Variants in NPLOC4 observed in about 807,000 individuals in gnomAD.
The protein encoded by NPLOC4 is NPL4 homolog, ubiquitin recognition factor.
NPLOC4 carries 18 observed loss-of-function variants against 80.6 expected under a neutral mutation model. The ratio of observed to expected loss-of-function variants is 0.22; its 90% CI spans 0.15 to 0.33. NPLOC4 has a LOEUF of 0.33. Ranked by LOEUF, NPLOC4 falls within the 10% of genes least tolerant of loss-of-function variation. The pLI is 1.00. For synonymous variants in NPLOC4, 313 were observed against 301.5 expected (o/e 1.04, Z -0.39); for missense variants, 540 against 786.1 (o/e 0.69, Z 3.74).
intron 1 of NPLOC4, among the ~76,000 whole-genome samples, chr17:81,632,437 T>C (rs2035958397): frequency 6.6e-6 from 1 of 151,936 alleles, no homozygotes; most frequent in South Asian, 2.1e-4. Flanking sequence ...CTCAGCCTCC[T>C]GAGTATCTGG....
chr17:81,569,806 T>C (rs575166327), intron 13 of NPLOC4, among the ~76,000 whole-genome samples: 1 of 152,292 alleles, frequency 6.6e-6, no homozygotes, highest in African/African-American at 2.4e-5. Flanking sequence ...AGAGGGCACT[T>C]TGCACCTAAG....
intron 12 of NPLOC4, among the ~76,000 whole-genome samples, chr17:81,587,574 G>A (rs1422546431): frequency 5.8e-5 from 8 of 137,216 alleles, no homozygotes; most frequent in African/African-American, 1.1e-4. Context: ...CTCAGCCTCC[G>A]AAAGGGCTGG....
At chr17:81,583,138 A>G (rs115073211) in intron 12 of NPLOC4, among the ~76,000 whole-genome samples, 3,603 of 152,354 alleles carry the variant, frequency 0.024, 139 homozygotes, top group African/African-American at 0.082. Flanking sequence ...TGTTAGTGTG[A>G]CTTTTCAGTG....
At chr17:81,632,332 T>A (rs1177697821) in intron 1 of NPLOC4, among the ~76,000 whole-genome samples, 1 of 150,384 alleles carries the variant, frequency 6.6e-6, no homozygotes, top group Non-Finnish European at 1.5e-5. Flanking sequence ...TTATTTCTTT[T>A]TTTTTTTTCA....
At chr17:81,565,230 C>G in intron 16 of NPLOC4, 1 of 653,582 alleles carries the variant, frequency 1.5e-6, no homozygotes, top group Non-Finnish European at 2.8e-6. Context: ...TCCTAGGATG[C>G]CTGGAGATTA....
rs747974970 is a variant in NPLOC4, at chr17:81,596,237, G to A, written c.999C>T (p.Thr333=). ...GTVRYSRNKD[T]YFLSSEECIT... ...TGCACTCTTCTGAACTTAGGAAATAGGTGTCCTAAGACAAGAGAAGCAGCC... is the reference window on the plus strand; with the variant it reads ...TGCACTCTTCTGAACTTAGGAAATAAGTGTCCTAAGACAAGAGAAGCAGCC... The change falls in exon 11 of 17, where the codon ACC becomes ACT. Residue 333 remains threonine, a synonymous_variant. Coordinates refer to ENST00000331134, the MANE Select transcript of NPLOC4 (RefSeq NM_017921.4). 1.2e-6 allele frequency: 2 copies of A among 1,612,088 alleles called. No homozygotes were observed. Among genetic ancestry groups the A allele is most frequent in the Non-Finnish European group, 1.7e-6 (2 of 1,178,736 alleles).
chr17:81,557,474 G>C lies in NPLOC4; in HGVS notation c.*1785C>G, dbSNP rs147940505. 1 of 152,284 alleles carries C rather than the reference G, an allele frequency of 6.6e-6. No homozygotes were observed. Among genetic ancestry groups the C allele is most frequent in the African/African-American group, 2.4e-5 (1 of 41,448 alleles). 9.4% of individuals were successfully genotyped at this position (152,284 alleles called of 1,614,324 possible). On this transcript the variant is annotated 3_prime_UTR_variant, in exon 17 of 17. Coordinates refer to ENST00000331134, the MANE Select transcript of NPLOC4 (RefSeq NM_017921.4). ...CTATAATAGCGTGGTGGATAAGGAC[G>C]AGCGAGTGGGAGAGGAACTGGCAAC...
chr17:81,586,205 C>T (rs9910624), intron 12 of NPLOC4, among the ~76,000 whole-genome samples: 21,717 of 152,066 alleles, frequency 0.14, 1,849 homozygotes, highest in Admixed American at 0.23. Flanking sequence ...CCTTCCCTCC[C>T]CTCCTGCAGG....
intron 1 of NPLOC4, among the ~76,000 whole-genome samples, chr17:81,632,950 G>A (rs1435728579): frequency 6.6e-6 from 1 of 151,960 alleles, no homozygotes; most frequent in Non-Finnish European, 1.5e-5. Flanking sequence ...CTAACACGGT[G>A]AAACCCCATC....
chr17:81,601,902 G>T (rs2035065062), intron 8 of NPLOC4, among the ~76,000 whole-genome samples: 1 of 152,160 alleles, frequency 6.6e-6, no homozygotes, highest in African/African-American at 2.4e-5. Flanking sequence ...TTCAGACTCT[G>T]ATCAGCAAAC....
At chr17:81,587,847 T>TG (rs1165476849) in intron 12 of NPLOC4, among the ~76,000 whole-genome samples, 1 of 149,762 alleles carries the variant, frequency 6.7e-6, no homozygotes, top group East Asian at 2.0e-4. Context: ...TTTTTGTATT[T>TG]TTTTTTTTTA....
intron 1 of NPLOC4, among the ~76,000 whole-genome samples, chr17:81,631,421 C>CACATATATATATATAT (rs2035922365): frequency 4.0e-5 from 2 of 49,474 alleles, no homozygotes; most frequent in Non-Finnish European, 6.5e-5. Context: ...TTAAAGTGTA[C>CACATATATATATATAT]ATATATATAT....
intron 12 of NPLOC4, among the ~76,000 whole-genome samples, chr17:81,585,945 C>T (rs529788267): frequency 4.0e-5 from 6 of 151,716 alleles, no homozygotes; most frequent in African/African-American, 7.3e-5. Flanking sequence ...GCTGAGATCA[C>T]GCCACTGCAC....
At position 81,567,716 on chromosome 17, in the gene NPLOC4, G is replaced by A. The variant is rs559265053; in HGVS notation, c.1450-183C>T. On this transcript the variant is annotated intron_variant, in intron 14 of 16. Transcript: ENST00000331134. This position sits in a 1 kb window ranked among gnomAD's most constrained non-coding sequence, Gnocchi z 4.5. ...GCAGGCAGCTGCAAAGCAAGCTCTT[G>A]CTCTCTTCTCCCAAGAAGATGCTCT... Among the ~76,000 whole-genome samples the A allele has an allele frequency of 6.6e-6, 1 of 152,312 alleles. No individual in the cohort carries two copies. The highest frequency in any genetic ancestry group is 6.5e-5 in the Admixed American group (1 of 15,300).
chr17:81,613,390 A>G lies in NPLOC4; in HGVS notation c.314T>C (p.Val105Ala), dbSNP rs567506791. The G allele has an allele frequency of 6.2e-7, 1 of 1,613,908 alleles. No homozygotes were observed. The highest frequency in any genetic ancestry group is 1.3e-5 in the African/African-American group (1 of 75,006). ...PGFKVFGAPN[V>A]VEDEIDQYLS... Reference sequence around the variant, plus strand: ...GTACTGATCAATCTCATCCTCCACCACGTTGGGAGCGCCAAAGACTTTGAA... The same window carrying G: ...GTACTGATCAATCTCATCCTCCACCGCGTTGGGAGCGCCAAAGACTTTGAA... Residue 105 changes from valine (V) to alanine (A), a missense_variant, in exon 4 of 17, where the codon GTG becomes GCG. Val to Ala is a moderately conservative substitution (Grantham distance 64). Transcript: ENST00000331134.
At chr17:81,568,202 G>C (rs2034065774) in intron 14 of NPLOC4, 1 of 152,332 alleles carries the variant, frequency 6.6e-6, no homozygotes, top group Non-Finnish European at 1.5e-5. Context: ...TCACGGCAGG[G>C]AGACAGGTCT....
chr17:81,570,678 C>A (rs543542447), intron 13 of NPLOC4, among the ~76,000 whole-genome samples: 1 of 152,200 alleles, frequency 6.6e-6, no homozygotes, highest in Non-Finnish European at 1.5e-5. Flanking sequence ...ACAAAGAAAC[C>A]CCAGTAACAC....
At chr17:81,613,137 A>AAC in intron 4 of NPLOC4, 181 bp downstream of exon 4, 1 of 556,270 alleles carries the variant, frequency 1.8e-6, no homozygotes, top group Non-Finnish European at 2.8e-6. Context: ...TAAAAAAAAA[A>AAC]AACAAAAACC....
In NPLOC4 at chr17:81,567,226, A is replaced by G. The variant is rs1040038090; in HGVS notation, c.1566+191T>C. On this transcript the variant is annotated intron_variant, in intron 15 of 16. Transcript: ENST00000331134. This position sits in a 1 kb window ranked among gnomAD's most constrained non-coding sequence, Gnocchi z 4.5. ...AGGTGAAAAAATTAATCTTTCTATCAACAAGCTTCTTGTGAAAAGCTGCTG... is the reference window on the plus strand; with the variant it reads ...AGGTGAAAAAATTAATCTTTCTATCGACAAGCTTCTTGTGAAAAGCTGCTG... Among the ~76,000 whole-genome samples the G allele has an allele frequency of 1.3e-5, 2 of 152,240 alleles. No homozygotes were observed. The highest frequency in any genetic ancestry group is 6.5e-5 in the Admixed American group (1 of 15,286).
Sources: gnomAD v4.1 joint callset for allele counts (sites outside exome capture counted in the v4.1 genomes callset) on GRCh38, gnomAD v4.1.1 for gene constraint, Gnocchi (gnomAD v3.1) non-coding constraint, MANE v1.5 for transcripts, NCBI Gene and HGNC (gene_info 2026-07-23, HGNC 2026-07-21) for gene names.